Variants in KDM4A observed in about 807,000 individuals in gnomAD.
The protein encoded by KDM4A is lysine demethylase 4A, also known as lysine-specific demethylase 4A.
In KDM4A, 23 loss-of-function variants were observed where a neutral mutation model predicts 127.1. The ratio of observed to expected loss-of-function variants is 0.18; its 90% CI spans 0.13 to 0.26. The LOEUF is 0.26. KDM4A is among the 10% of genes least tolerant of loss of function. KDM4A has a pLI of 1.00. For synonymous variants in KDM4A, 443 were observed against 466.5 expected (o/e 0.95, Z 0.65); for missense variants, 890 against 1,329.1 (o/e 0.67, Z 5.14).
chr1:43,691,644 T>C (rs1040909859), intron 15 of KDM4A, 72 bp downstream of exon 15: 15 of 1,299,002 alleles, frequency 1.2e-5, no homozygotes, highest in Non-Finnish European at 1.5e-5. Flanking sequence ...CGATTTCATG[T>C]TGGACTCAGT....
At chr1:43,668,802 C>T (rs1034992697) in intron 9 of KDM4A, among the ~76,000 whole-genome samples, 4 of 152,126 alleles carry the variant, frequency 2.6e-5, no homozygotes, top group East Asian at 1.9e-4. Flanking sequence ...AAGGAGGAAC[C>T]GTTCCTTGGT....
chr1:43,673,696 T>TA (rs1432781857), intron 11 of KDM4A, among the ~76,000 whole-genome samples: 1 of 152,230 alleles, frequency 6.6e-6, no homozygotes, highest in Non-Finnish European at 1.5e-5. Context: ...TGTGCCTTCT[T>TA]ATGGCAGCTT....
chr1:43,659,758 T>C (rs1442308690), intron 3 of KDM4A, among the ~76,000 whole-genome samples: 1 of 152,208 alleles, frequency 6.6e-6, no homozygotes, highest in Non-Finnish European at 1.5e-5. Flanking sequence ...TACTAAAATA[T>C]TTGTTGTTTT....
chr1:43,694,696 C>T lies in KDM4A; in HGVS notation c.2485-13C>T, dbSNP rs1204668953. 7 of 1,593,924 alleles carry T rather than the reference C, an allele frequency of 4.4e-6. No homozygotes were observed. The African/African-American group carries it at 8.0e-5, about 18-fold the overall frequency. On this transcript the variant is annotated splice_polypyrimidine_tract_variant and intron_variant, in intron 17 of 21. Transcript: ENST00000372396. The surrounding 1 kb of genome is among the most constrained non-coding windows in gnomAD (Gnocchi z 5.2). ...GTTCCTGCAATCACTGGTTTTCTTC[C>T]CCTGTGCTACAGAAATGTATCTTCT...
intron 19 of KDM4A, among the ~76,000 whole-genome samples, chr1:43,699,202 C>T (rs1279708571): frequency 1.3e-5 from 2 of 151,598 alleles, no homozygotes; most frequent in Non-Finnish European, 2.9e-5. Flanking sequence ...CTCAAGTGAT[C>T]CTCCTGCTTC....
In KDM4A at chr1:43,694,677, G is replaced by A; in HGVS notation, c.2485-32G>A. The A allele has an allele frequency of 1.9e-6, 3 of 1,579,882 alleles. No homozygotes were observed. The highest frequency in any genetic ancestry group is 2.6e-6 in the Non-Finnish European group (3 of 1,153,172). On this transcript the variant is annotated intron_variant, in intron 17 of 21. Coordinates refer to ENST00000372396, the MANE Select transcript of KDM4A (RefSeq NM_014663.3). The surrounding 1 kb of genome is among the most constrained non-coding windows in gnomAD (Gnocchi z 5.2). ...AGAGGAAGCTGCAGTGCCAGTTCCT[G>A]CAATCACTGGTTTTCTTCCCCTGTG...
At chr1:43,665,591 TAAAA>T (rs561543332) in intron 5 of KDM4A, 101 bp from the exon 6 acceptor site, 1 of 855,532 alleles carries the variant, frequency 1.2e-6, no homozygotes, top group African/African-American at 1.7e-5. Flanking sequence ...CTTGGGAAGT[TAAAA>T]AAAAAATCTG....
At chr1:43,687,840 A>C (rs1661022219) in intron 12 of KDM4A, among the ~76,000 whole-genome samples, 1 of 152,166 alleles carries the variant, frequency 6.6e-6, no homozygotes, top group Admixed American at 6.5e-5. Context: ...CCTTTCTTGT[A>C]GGAAGATGCA....
intron 4 of KDM4A, among the ~76,000 whole-genome samples, chr1:43,660,884 G>C (rs1446951778): frequency 6.6e-6 from 1 of 152,080 alleles, no homozygotes; most frequent in Non-Finnish European, 1.5e-5. Flanking sequence ...CCTTAAATAT[G>C]GTGAAAGGGG....
intron 3 of KDM4A, among the ~76,000 whole-genome samples, chr1:43,659,353 G>C (rs536487881): frequency 1.3e-5 from 2 of 152,014 alleles, no homozygotes; most frequent in Admixed American, 6.6e-5. Context: ...CTCTATGGCC[G>C]AGGCTGGAGT....
intron 11 of KDM4A, among the ~76,000 whole-genome samples, chr1:43,682,374 T>G (rs1405593405): frequency 6.6e-6 from 1 of 152,208 alleles, no homozygotes; most frequent in Non-Finnish European, 1.5e-5. Context: ...GCTTTCCGGA[T>G]GTACGTTTTG....
chr1:43,695,325 G>A (rs558214765), intron 18 of KDM4A, among the ~76,000 whole-genome samples: 1 of 152,330 alleles, frequency 6.6e-6, no homozygotes, highest in African/African-American at 2.4e-5. Context: ...GTAAAGCTTA[G>A]AGAAAAAGTG....
At chr1:43,654,894 C>T (rs887395673) in intron 2 of KDM4A, among the ~76,000 whole-genome samples, 1 of 151,776 alleles carries the variant, frequency 6.6e-6, no homozygotes, top group African/African-American at 2.4e-5. Flanking sequence ...TCTTGTTACC[C>T]CAGCTGGAGT....
At position 43,667,109 on chromosome 1, in the gene KDM4A, C is replaced by G; in HGVS notation, c.915+18C>G. On this transcript the variant is annotated intron_variant, in intron 8 of 21. Coordinates refer to ENST00000372396, the MANE Select transcript of KDM4A (RefSeq NM_014663.3). ...CTGTGCTGGTAAGTCTGCTTGATTT[C>G]TTTCTATAACACCATGACAAAAATG... 1.2e-6 allele frequency: 2 copies of G among 1,613,830 alleles called. No individual in the cohort carries two copies. The highest frequency in any genetic ancestry group is 1.7e-6 in the Non-Finnish European group (2 of 1,179,904).
At chr1:43,685,647 A>C (rs1230327978) in intron 12 of KDM4A, among the ~76,000 whole-genome samples, 4 of 152,140 alleles carry the variant, frequency 2.6e-5, no homozygotes, top group Admixed American at 6.5e-5. Context: ...GAGCGCCTGT[A>C]GTCCCAGCTA....
chr1:43,671,781 A>C lies in KDM4A; in HGVS notation c.1640A>C (p.Tyr547Ser). 2 of 1,612,970 alleles carry C rather than the reference A, an allele frequency of 1.2e-6. No homozygotes were observed. Among genetic ancestry groups the C allele is most frequent in the Non-Finnish European group, 1.7e-6 (2 of 1,179,208 alleles). ...ACGGGAGTTCTCACTGTGCACAGTT[A>C]TGCCAAAGGGGATGGCAGGGTCACT... ...GQTGVLTVHS[Y>S]AKGDGRVTVG... Residue 547 changes from tyrosine to serine, a missense_variant, in exon 11 of 22, where the codon TAT (tyrosine) becomes TCT (serine). By Grantham distance (144) the Tyr-to-Ser change is moderately radical. Transcript: ENST00000372396.
Position 43,671,770 on chromosome 1 carries a change from T to C in KDM4A, c.1629T>C (p.Thr543=), listed in dbSNP as rs1039454721. 6.2e-7 allele frequency: 1 copy of C among 1,613,802 alleles called. No individual in the cohort carries two copies. The highest frequency in any genetic ancestry group is 1.1e-5 in the South Asian group (1 of 91,012). The part of the protein sequence containing the change: ...CRAQGQTGVL[T]VHSYAKGDGR... The stretch of plus-strand genomic sequence containing the variant: ...CCCAAGGGCAAACGGGAGTTCTCAC[T>C]GTGCACAGTTATGCCAAAGGGGATG... The change falls in exon 11 of 22, where the codon ACT becomes ACC. Residue 543 remains threonine, a synonymous_variant. Coordinates refer to ENST00000372396, the MANE Select transcript of KDM4A (RefSeq NM_014663.3).
Position 43,665,614 on chromosome 1 carries a change from A to G in KDM4A, c.624-82A>G, listed in dbSNP as rs541255841. Reference sequence around the variant, plus strand: ...GTTAAAAAAAAAATCTGCTATTTCAAGGTGTTTTGAGAGTGGGAATAAGTC... The same window carrying G: ...GTTAAAAAAAAAATCTGCTATTTCAGGGTGTTTTGAGAGTGGGAATAAGTC... On this transcript the variant is annotated intron_variant, in intron 5 of 21. Transcript: ENST00000372396. 5 of 1,278,328 alleles carry G rather than the reference A, an allele frequency of 3.9e-6. No homozygotes were observed. The African/African-American group carries it at 6.0e-5, about 15-fold the overall frequency. The allele number at this position is 1,278,328 out of a possible 1,614,324, so 79.2% of individuals were successfully genotyped here.
intron 13 of KDM4A, among the ~76,000 whole-genome samples, chr1:43,689,367 A>G (rs1195035072): frequency 6.6e-6 from 1 of 152,216 alleles, no homozygotes; most frequent in Non-Finnish European, 1.5e-5. Flanking sequence ...TTGCAGAGCA[A>G]TCTGCATTTC....
Sources: allele counts gnomAD v4.1 joint callset (sites outside exome capture counted in the v4.1 genomes callset), GRCh38; gene constraint gnomAD v4.1.1; non-coding constraint Gnocchi (gnomAD v3.1); transcripts MANE v1.5; gene names NCBI Gene and HGNC (gene_info 2026-07-23, HGNC 2026-07-21).